The following ABCC1 variants were observed in gnomAD, a reference collection of about 807,000 sequenced individuals.
ABCC1 encodes the protein ATP binding cassette subfamily C member 1 (ABCC1 blood group).
A neutral mutation model predicts 172.9 loss-of-function variants in ABCC1; 83 were observed. The observed-to-expected ratio is 0.48, with a 90% CI of 0.40 to 0.58. ABCC1 has a LOEUF of 0.58. Among genes scored for constraint, ABCC1 ranks in the 20% least tolerant of loss-of-function variants. ABCC1 has a pLI of 0.00. For missense variants in ABCC1, 1,817 were observed against 2,002.7 expected (o/e 0.91, Z 1.77); for synonymous variants, 937 against 825.2 (o/e 1.14, Z -2.32).
Position 16,131,842 on chromosome 16 carries a change from C to T in ABCC1, c.3873C>T (p.Gly1291=). The T allele has an allele frequency of 6.2e-7, 1 of 1,614,150 alleles. No homozygotes were observed. The highest frequency in any genetic ancestry group is 8.5e-7 in the Non-Finnish European group (1 of 1,180,026). ...CGCCCAGCAGCTGGCCCCAGGTGGG[C>T]CGAGTGGAATTCCGGAACTACTGCC... ...TAPPSSWPQV[G]RVEFRNYCLR... Residue 1291 remains glycine, a synonymous_variant, in exon 27 of 31, where the codon GGC becomes GGT. Transcript: ENST00000399410.
At chr16:16,048,326 C>T (rs755453082) in intron 10 of ABCC1, 23 bp downstream of exon 10, 2 of 1,612,460 alleles carry the variant, frequency 1.2e-6, no homozygotes, top group African/African-American at 1.3e-5. Context: ...CGCCGTTTCC[C>T]TTTGCATGCA....
chr16:15,985,470 G>T (rs891945380), intron 1 of ABCC1, among the ~76,000 whole-genome samples: 8 of 151,816 alleles, frequency 5.3e-5, no homozygotes, highest in Admixed American at 5.3e-4. Flanking sequence ...TTGAGACTGA[G>T]TTTTGCTTTT....
intron 1 of ABCC1, among the ~76,000 whole-genome samples, chr16:15,981,837 A>G (rs770072207): frequency 1.5e-4 from 23 of 152,088 alleles, no homozygotes; most frequent in African/African-American, 5.3e-4. Context: ...CACCCTTCCA[A>G]TGTTTCAAAC....
intron 20 of ABCC1, 180 bp from the exon 21 acceptor site, chr16:16,106,558 T>G: frequency 1.6e-6 from 1 of 631,208 alleles, no homozygotes; most frequent in Admixed American, 3.7e-5. Flanking sequence ...CCTATAAACC[T>G]GGAGAGTGAC....
At chr16:15,961,466 T>C (rs1479661575) in intron 1 of ABCC1, among the ~76,000 whole-genome samples, 1 of 152,186 alleles carries the variant, frequency 6.6e-6, no homozygotes, top group African/African-American at 2.4e-5. Flanking sequence ...TCTAGAAGAA[T>C]ATAAAGGGAA....
intron 23 of ABCC1, among the ~76,000 whole-genome samples, chr16:16,120,554 C>CG (rs1257894094): frequency 6.6e-6 from 1 of 152,124 alleles, no homozygotes; most frequent in Non-Finnish European, 1.5e-5. Context: ...GCTTGTGAAA[C>CG]GTATCATCGT....
chr16:16,132,294 C>G, intron 27 of ABCC1, among the ~76,000 whole-genome samples: 1 of 151,634 alleles, frequency 6.6e-6, no homozygotes, highest in East Asian at 1.9e-4. Context: ...AGTGGGGGGA[C>G]TACACATGGT....
chr16:15,960,160 C>T (rs1055159490), intron 1 of ABCC1, among the ~76,000 whole-genome samples: 3 of 152,160 alleles, frequency 2.0e-5, no homozygotes, highest in African/African-American at 4.8e-5. Flanking sequence ...CACTGCACTG[C>T]AGTCTCGACC....
chr16:16,052,463 A>C (rs1420331322), intron 10 of ABCC1, among the ~76,000 whole-genome samples: 1 of 152,106 alleles, frequency 6.6e-6, no homozygotes, highest in Non-Finnish European at 1.5e-5. Context: ...TGCAGTTGTA[A>C]TTTGCAAAAC....
At chr16:16,029,743 T>G (rs556153952) in intron 5 of ABCC1, among the ~76,000 whole-genome samples, 2 of 152,338 alleles carry the variant, frequency 1.3e-5, no homozygotes, top group Non-Finnish European at 2.9e-5. Flanking sequence ...GGGCTGCATG[T>G]GATGGCTCAT....
chr16:16,012,485 ATTT>A (rs71674571), intron 3 of ABCC1, among the ~76,000 whole-genome samples: 4 of 138,644 alleles, frequency 2.9e-5, no homozygotes, highest in Non-Finnish European at 4.7e-5. Flanking sequence ...ATTAGAGTGG[ATTT>A]TTTTTTTTTT....
intron 6 of ABCC1, among the ~76,000 whole-genome samples, chr16:16,034,021 A>ATTTTTTTT (rs1567332583): frequency 2.0e-4 from 10 of 48,974 alleles, no homozygotes; most frequent in African/African-American, 4.2e-4. Context: ...AATAAGCATC[A>ATTTTTTTT]TCTTTTTTTT....
At chr16:16,120,627 C>T (rs566078726) in intron 23 of ABCC1, among the ~76,000 whole-genome samples, 2 of 152,054 alleles carry the variant, frequency 1.3e-5, no homozygotes, top group African/African-American at 2.4e-5. Flanking sequence ...AAGGGCTTCC[C>T]GAGGAAGTGA....
intron 1 of ABCC1, among the ~76,000 whole-genome samples, chr16:15,982,925 A>G (rs1405645691): frequency 6.6e-6 from 1 of 151,992 alleles, no homozygotes; most frequent in Admixed American, 6.6e-5. Context: ...ACAAATGGCA[A>G]TTCATATGGT....
chr16:16,066,571 T>C (rs1425803209), intron 12 of ABCC1, among the ~76,000 whole-genome samples: 2 of 152,156 alleles, frequency 1.3e-5, no homozygotes, highest in Non-Finnish European at 2.9e-5. Flanking sequence ...TTGAGAAGTC[T>C]ATCATGTAGA....
intron 1 of ABCC1, among the ~76,000 whole-genome samples, chr16:15,957,532 A>T (rs768399868): frequency 2.0e-5 from 3 of 152,148 alleles, no homozygotes; most frequent in Non-Finnish European, 2.9e-5. Context: ...TAGGGGTTAG[A>T]TATAGCTCAC....
At chr16:16,017,300 G>A (rs1000006657) in intron 5 of ABCC1, among the ~76,000 whole-genome samples, 3 of 151,488 alleles carry the variant, frequency 2.0e-5, no homozygotes, top group East Asian at 1.9e-4. Flanking sequence ...GTGTGATCTC[G>A]GCTCACTGTA....
At chr16:15,983,332 G>A (rs1222791394) in intron 1 of ABCC1, among the ~76,000 whole-genome samples, 2 of 152,064 alleles carry the variant, frequency 1.3e-5, no homozygotes, top group Non-Finnish European at 2.9e-5. Flanking sequence ...TGCAGTTGTG[G>A]GGATTGTGAT....
intron 1 of ABCC1, among the ~76,000 whole-genome samples, chr16:15,960,910 G>T (rs28435381): frequency 1.3e-5 from 2 of 151,870 alleles, no homozygotes; most frequent in South Asian, 2.1e-4. Flanking sequence ...CAGGGAAGGC[G>T]CTTACCAGCT....
Sources: gnomAD v4.1 joint callset for allele counts (sites outside exome capture counted in the v4.1 genomes callset) on GRCh38, gnomAD v4.1.1 for gene constraint, MANE v1.5 for transcripts, NCBI Gene and HGNC (gene_info 2026-07-23, HGNC 2026-07-21) for gene names.